The following NMT2 variants were observed in gnomAD, a reference collection of about 807,000 sequenced individuals.
NMT2 encodes the protein N-myristoyltransferase 2, also known as glycylpeptide N-tetradecanoyltransferase 2.
NMT2 carries 35 observed loss-of-function variants against 65.4 expected under a neutral mutation model. That is an observed-to-expected ratio of 0.54 (90% CI 0.41 to 0.71). The LOEUF (loss-of-function observed/expected upper bound fraction) is 0.71, where lower values mean the gene tolerates loss of function less well. Among genes scored for constraint, NMT2 ranks in the 30% least tolerant of loss-of-function variants. NMT2 has a pLI of 0.00. For missense variants in NMT2, 489 were observed against 611.3 expected, an observed-to-expected ratio of 0.80 and a Z score of 2.11; for synonymous variants, 226 against 231.8, an observed-to-expected ratio of 0.98 and a Z score of 0.23.
chr10:15,140,925 G>T, intron 2 of NMT2: 2 of 1,387,280 alleles, frequency 1.4e-6, no homozygotes, highest in African/African-American at 1.4e-5. Context: ...TCCCACCCTT[G>T]GCATTAGAAT....
chr10:15,109,096 C>T lies in NMT2; in HGVS notation c.*99G>A, dbSNP rs1379799143. 6 of 1,558,326 alleles carry T rather than the reference C, an allele frequency of 3.9e-6. No homozygotes were observed. Among genetic ancestry groups the T allele is most frequent in the Non-Finnish European group, 5.2e-6 (6 of 1,160,716 alleles). On this transcript the variant is annotated 3_prime_UTR_variant, in exon 12 of 12. Transcript: ENST00000378165. Reference sequence around the variant, plus strand: ...CTGATTATCGACTACTTCAATTTCACTTGAGTTGTGCTTTTATTCTTCTTT... The same window carrying T: ...CTGATTATCGACTACTTCAATTTCATTTGAGTTGTGCTTTTATTCTTCTTT...
intron 1 of NMT2, among the ~76,000 whole-genome samples, chr10:15,142,458 A>G (rs1846809969): frequency 1.3e-5 from 2 of 152,160 alleles, no homozygotes; most frequent in Non-Finnish European, 2.9e-5. Flanking sequence ...GCTACTCAGG[A>G]GGCTGAGGTG....
rs539992537 is a variant in NMT2 at position 15,161,101 on chromosome 10, A to C, written c.110+7402T>G. On this transcript the variant is annotated intron_variant, in intron 1 of 11. Coordinates refer to ENST00000378165, the MANE Select transcript of NMT2 (RefSeq NM_004808.3). ...AAAATCAAAAAAAAAAAAAAAAAAAAAAAAAAAAACACAAAGAAAACAACA... is the reference window on the plus strand; with the variant it reads ...AAAATCAAAAAAAAAAAAAAAAAAACAAAAAAAAACACAAAGAAAACAACA... Among the ~76,000 whole-genome samples the C allele has an allele frequency of 9.3e-4, 139 of 149,866 alleles. 2 individuals carry two copies. Among genetic ancestry groups the C allele is most frequent in the African/African-American group, 2.7e-3 (112 of 40,972 alleles).
At chr10:15,142,667 C>T (rs1318725505) in intron 1 of NMT2, among the ~76,000 whole-genome samples, 2 of 152,202 alleles carry the variant, frequency 1.3e-5, no homozygotes, top group Middle Eastern at 3.4e-3. Flanking sequence ...CAAATGGTAC[C>T]CTAGTGGTTT....
At chr10:15,163,764 C>CT (rs1564595463) in intron 1 of NMT2, among the ~76,000 whole-genome samples, 2 of 152,152 alleles carry the variant, frequency 1.3e-5, no homozygotes, top group East Asian at 1.9e-4. Flanking sequence ...GAAGAACTTC[C>CT]TTTTTTTACC....
At chr10:15,109,310 C>G (rs1357291499) in intron 11 of NMT2, 95 bp from the exon 12 acceptor site, 1 of 1,469,442 alleles carries the variant, frequency 6.8e-7, no homozygotes, top group African/African-American at 1.4e-5. Context: ...AGGCTCAGCT[C>G]ACACCTGTAA....
At position 15,132,948 on chromosome 10, in the gene NMT2, G is replaced by A; in HGVS notation, c.603-15C>T. The A allele has an allele frequency of 6.2e-7, 1 of 1,607,434 alleles. No homozygotes were observed. Among genetic ancestry groups the A allele is most frequent in the Non-Finnish European group, 8.5e-7 (1 of 1,175,140 alleles). On this transcript the variant is annotated splice_polypyrimidine_tract_variant and intron_variant, in intron 5 of 11. Coordinates refer to ENST00000378165, the MANE Select transcript of NMT2 (RefSeq NM_004808.3). ...GACGCAGAGCCCTGAGGTCACGGTAGACAAGAAAACAGGCACCAGTTATTG... is the reference window on the plus strand; with the variant it reads ...GACGCAGAGCCCTGAGGTCACGGTAAACAAGAAAACAGGCACCAGTTATTG...
In NMT2 at chr10:15,106,509, G is replaced by T; in HGVS notation, c.*2686C>A. 3.3e-6 allele frequency: 1 copy of T among 301,762 alleles called. No homozygotes were observed. 18.7% of individuals were successfully genotyped at this position (301,762 alleles called of 1,614,324 possible). On this transcript the variant is annotated 3_prime_UTR_variant, in exon 12 of 12. Coordinates refer to ENST00000378165, the MANE Select transcript of NMT2 (RefSeq NM_004808.3). ...AAAGAACGCTAATGCAATTAGGGTGGAACCATCTGAAATTCCAAGTCTTCC... is the reference window on the plus strand; with the variant it reads ...AAAGAACGCTAATGCAATTAGGGTGTAACCATCTGAAATTCCAAGTCTTCC...
At chr10:15,123,862 A>C (rs934030964) in intron 8 of NMT2, among the ~76,000 whole-genome samples, 10 of 152,214 alleles carry the variant, frequency 6.6e-5, no homozygotes, top group African/African-American at 2.4e-4. Flanking sequence ...TAAGTACATA[A>C]GGAAATGAAG....
rs1845446699 is a variant in NMT2, at chr10:15,109,821, T to G, written c.1357A>C (p.Asn453His). Residue 453 changes from asparagine (N) to histidine (H), a missense_variant, in exon 11 of 12, where the codon AAT becomes CAT. Transcript: ENST00000378165. ...TTATTTTCCATCAAATCCAGTGCAT[T>G]GAATACATCAAATCCTTTCTGCCAA... ...LAKSKGFDVF[N>H]ALDLMENKTF... 4 of 1,608,272 alleles carry G rather than the reference T, an allele frequency of 2.5e-6. No individual in the cohort carries two copies. The highest frequency in any genetic ancestry group is 3.4e-6 in the Non-Finnish European group (4 of 1,178,470).
chr10:15,127,591 T>G (rs1473279679), intron 8 of NMT2, among the ~76,000 whole-genome samples: 1 of 103,522 alleles, frequency 9.7e-6, no homozygotes, highest in Non-Finnish European at 2.0e-5. Context: ...AATAAATAAA[T>G]AAATAAAATA....
chr10:15,127,772 G>A (rs994694257), intron 8 of NMT2, among the ~76,000 whole-genome samples: 1 of 150,864 alleles, frequency 6.6e-6, no homozygotes, highest in African/African-American at 2.4e-5. Flanking sequence ...GTGTGGTGGC[G>A]GGTGCCTGTA....
At chr10:15,122,641 G>A (rs117786921) in intron 8 of NMT2, among the ~76,000 whole-genome samples, 1,741 of 152,176 alleles carry the variant, frequency 0.011, 15 homozygotes, top group Non-Finnish European at 0.021. Context: ...GGATGGTCTC[G>A]ATCTCCTGAC....
At chr10:15,141,885 C>T (rs1336390215) in intron 1 of NMT2, among the ~76,000 whole-genome samples, 2 of 152,144 alleles carry the variant, frequency 1.3e-5, no homozygotes, top group South Asian at 2.1e-4. Context: ...AGTCAGCTTT[C>T]GGGAGGAGAG....
intron 10 of NMT2, among the ~76,000 whole-genome samples, chr10:15,110,964 T>C (rs768635266): frequency 1.1e-4 from 17 of 151,970 alleles, no homozygotes; most frequent in Non-Finnish European, 2.4e-4. Flanking sequence ...CTAATTTCTT[T>C]GTATTTTTAG....
chr10:15,162,521 T>G (rs1304366800), intron 1 of NMT2, among the ~76,000 whole-genome samples: 4 of 151,880 alleles, frequency 2.6e-5, no homozygotes, highest in Non-Finnish European at 5.9e-5. Flanking sequence ...CTCCATGTGT[T>G]GATGACTGCC....
intron 10 of NMT2, among the ~76,000 whole-genome samples, chr10:15,110,993 G>A (rs1386948901): frequency 4.6e-5 from 7 of 151,824 alleles, no homozygotes; most frequent in Admixed American, 2.0e-4. Context: ...GGGTTTCACC[G>A]TGTTGGCCAG....
chr10:15,117,065 A>G (rs1314573908), intron 9 of NMT2, among the ~76,000 whole-genome samples: 1 of 152,242 alleles, frequency 6.6e-6, no homozygotes, highest in Non-Finnish European at 1.5e-5. Flanking sequence ...TTATGAGACC[A>G]GTATTATCTT....
chr10:15,145,729 A>T (rs1465265446), intron 1 of NMT2, among the ~76,000 whole-genome samples: 6 of 152,140 alleles, frequency 3.9e-5, no homozygotes, highest in Non-Finnish European at 7.4e-5. Context: ...GAATTATATC[A>T]AATGAAACAG....
Sources: gnomAD v4.1 joint callset for allele counts (sites outside exome capture counted in the v4.1 genomes callset) on GRCh38, gnomAD v4.1.1 for gene constraint, MANE v1.5 for transcripts, NCBI Gene and HGNC (gene_info 2026-07-23, HGNC 2026-07-21) for gene names.